Variants in LEKR1 observed in about 807,000 individuals in gnomAD.
LEKR1 encodes the protein protein LEKR1.
In LEKR1, 59 loss-of-function variants were observed where a neutral mutation model predicts 72.4. The ratio of observed to expected loss-of-function variants is 0.82; its 90% CI spans 0.66 to 1.01. The LOEUF (loss-of-function observed/expected upper bound fraction) is 1.01, where lower values mean the gene tolerates loss of function less well. Ranked by LOEUF, LEKR1 falls within the 50% of genes least tolerant of loss-of-function variation. The pLI, the probability that LEKR1 is intolerant of heterozygous loss-of-function variation, is 0.00. For synonymous variants in LEKR1, 257 were observed against 263.2 expected (o/e 0.98, Z 0.23); for missense variants, 728 against 759.2 (o/e 0.96, Z 0.48).
At chr3:156,948,745 A>AC (rs1726897467) in intron 6 of LEKR1, among the ~76,000 whole-genome samples, 1 of 151,482 alleles carries the variant, frequency 6.6e-6, no homozygotes, top group Non-Finnish European at 1.5e-5. Context: ...GAATTGCCAT[A>AC]TGGCTTTCCA....
rs185187623 is a variant in LEKR1 at position 156,977,676 on chromosome 3, G to A, written c.746-1518G>A. 26 of 250,442 alleles carry A rather than the reference G, an allele frequency of 1.0e-4. No individual in the cohort carries two copies. The East Asian group carries it at 2.4e-3, about 23-fold the overall frequency. 15.5% of individuals were successfully genotyped at this position (250,442 alleles called of 1,614,324 possible). On this transcript the variant is annotated intron_variant, in intron 6 of 12. Transcript: ENST00000356539. ...AGATAAACCCTACAAATGTACATGG[G>A]ATGGATGCATATGGAAGTTTGCTCT...
intron 6 of LEKR1, among the ~76,000 whole-genome samples, chr3:156,961,264 GC>G (rs1728107268): frequency 6.6e-6 from 1 of 152,124 alleles, no homozygotes; most frequent in Non-Finnish European, 1.5e-5. Context: ...TTTTAAAACA[GC>G]TTTACAGAGA....
chr3:156,993,352 T>C, intron 9 of LEKR1, 75 bp downstream of exon 9: 1 of 904,958 alleles, frequency 1.1e-6, no homozygotes, highest in Non-Finnish European at 1.7e-6. Context: ...GCAACATCAG[T>C]GTCTGACATA....
In LEKR1 at chr3:156,877,324, A is replaced by G. The variant is rs1443767810; in HGVS notation, c.263+24342A>G. On this transcript the variant is annotated intron_variant, in intron 3 of 12. Transcript: ENST00000356539. ...CATTCCTGGTTTTGGAATTACGGAGATACTGGTTTCATAGAATGATGTAGG... is the reference window on the plus strand; with the variant it reads ...CATTCCTGGTTTTGGAATTACGGAGGTACTGGTTTCATAGAATGATGTAGG... Among the ~76,000 whole-genome samples, 3 of 151,864 alleles carry G rather than the reference A, an allele frequency of 2.0e-5. No individual in the cohort carries two copies. The East Asian group carries it at 5.8e-4, about 29-fold the overall frequency.
intron 2 of LEKR1, among the ~76,000 whole-genome samples, chr3:156,834,435 C>T (rs1259092123): frequency 2.0e-5 from 3 of 152,162 alleles, no homozygotes; most frequent in Non-Finnish European, 4.4e-5. Context: ...CCAAACTCAA[C>T]GTGATTACTT....
At chr3:156,899,343 CATATAT>C (rs1293520687) in intron 3 of LEKR1, among the ~76,000 whole-genome samples, 4 of 119,730 alleles carry the variant, frequency 3.3e-5, no homozygotes, top group East Asian at 4.2e-4. Context: ...CATATATACA[CATATAT>C]ACATGTATAT....
intron 3 of LEKR1, among the ~76,000 whole-genome samples, chr3:156,864,626 C>T (rs1717112570): frequency 6.6e-6 from 1 of 152,028 alleles, no homozygotes; most frequent in South Asian, 2.1e-4. Context: ...AATTTGGTTT[C>T]ATTCATCAAC....
intron 10 of LEKR1, among the ~76,000 whole-genome samples, chr3:157,021,639 T>G (rs981236269): frequency 6.6e-6 from 1 of 152,208 alleles, no homozygotes; most frequent in Non-Finnish European, 1.5e-5. Context: ...TCAATCCGTA[T>G]TTGGAAAGAT....
intron 6 of LEKR1, among the ~76,000 whole-genome samples, chr3:156,965,085 C>A (rs1728450766): frequency 6.6e-6 from 1 of 152,052 alleles, no homozygotes; most frequent in South Asian, 2.1e-4. Context: ...AAATTTGGAA[C>A]AACAAAATAC....
At chr3:156,872,138 C>T (rs1295747347) in intron 3 of LEKR1, among the ~76,000 whole-genome samples, 1 of 150,976 alleles carries the variant, frequency 6.6e-6, no homozygotes, top group African/African-American at 2.4e-5. Flanking sequence ...TTGGTCTGTT[C>T]AGATTTTCCA....
chr3:157,044,798 A>G (rs918940513), intron 12 of LEKR1, among the ~76,000 whole-genome samples: 2 of 152,222 alleles, frequency 1.3e-5, no homozygotes, highest in Non-Finnish European at 1.5e-5. Flanking sequence ...CTGAGAAAGC[A>G]TCATATGAGA....
intron 9 of LEKR1, among the ~76,000 whole-genome samples, chr3:157,007,670 T>A (rs1576987551): frequency 6.6e-6 from 1 of 152,244 alleles, no homozygotes; most frequent in African/African-American, 2.4e-5. Context: ...ATTCTATGTT[T>A]TGGCTTGTTT....
chr3:156,928,109 C>T (rs1477969315), intron 5 of LEKR1, among the ~76,000 whole-genome samples: 1 of 151,842 alleles, frequency 6.6e-6, no homozygotes, highest in African/African-American at 2.4e-5. Flanking sequence ...AACTATGGAA[C>T]AGTAAAACAA....
chr3:156,895,608 C>G (rs1278452950), intron 3 of LEKR1, among the ~76,000 whole-genome samples: 10 of 151,176 alleles, frequency 6.6e-5, no homozygotes, highest in African/African-American at 1.9e-4. Context: ...GAGACCTTGT[C>G]TCAAAAAAAA....
At chr3:157,034,015 C>A (rs559127663) in intron 12 of LEKR1, among the ~76,000 whole-genome samples, 38 of 150,862 alleles carry the variant, frequency 2.5e-4, no homozygotes, top group African/African-American at 9.3e-4. Flanking sequence ...GCATGGCTTA[C>A]TGAATATTTT....
intron 3 of LEKR1, among the ~76,000 whole-genome samples, chr3:156,858,753 T>G (rs1716400358): frequency 6.6e-6 from 1 of 152,114 alleles, no homozygotes; most frequent in Non-Finnish European, 1.5e-5. Flanking sequence ...GTTGAAGTCT[T>G]TGGTTAATTT....
chr3:157,012,495 C>T (rs1218935841), intron 10 of LEKR1, among the ~76,000 whole-genome samples: 3 of 152,100 alleles, frequency 2.0e-5, no homozygotes, highest in Non-Finnish European at 4.4e-5. Context: ...CCAGGAATCC[C>T]TCACTCTGCC....
intron 6 of LEKR1, among the ~76,000 whole-genome samples, chr3:156,967,408 A>G (rs1391877986): frequency 6.6e-6 from 1 of 152,194 alleles, no homozygotes; most frequent in African/African-American, 2.4e-5. Context: ...AACTAGAATA[A>G]CCAGTGCAGA....
intron 3 of LEKR1, among the ~76,000 whole-genome samples, chr3:156,919,682 C>T (rs974355779): frequency 1.3e-5 from 2 of 152,182 alleles, no homozygotes; most frequent in East Asian, 1.9e-4. Flanking sequence ...ATAGCAACTA[C>T]ATGCTAACAA....
Sources: gnomAD v4.1 joint callset for allele counts (sites outside exome capture counted in the v4.1 genomes callset) on GRCh38, gnomAD v4.1.1 for gene constraint, MANE v1.5 for transcripts, NCBI Gene and HGNC (gene_info 2026-07-23, HGNC 2026-07-21) for gene names.